Variants in DHRSX observed in about 807,000 individuals in gnomAD.
DHRSX encodes the protein dehydrogenase/reductase X-linked.
Under a neutral mutation model 34.0 loss-of-function variants are expected in DHRSX, and 31 were observed. That is an observed-to-expected ratio of 0.91 (90% CI 0.69 to 1.23). DHRSX has a LOEUF of 1.23. DHRSX is among the 50% of genes most tolerant of loss of function. DHRSX has a pLI of 0.00. For synonymous variants in DHRSX, 201 were observed against 183.8 expected, an observed-to-expected ratio of 1.09 and a Z score of -0.76; for missense variants, 414 against 428.1, an observed-to-expected ratio of 0.97 and a Z score of 0.29.
chrX:2,423,789 T>A (rs1255632332), intron 2 of DHRSX, among the ~76,000 whole-genome samples: 1 of 151,966 alleles, frequency 6.6e-6, no homozygotes, highest in African/African-American at 2.4e-5. Flanking sequence ...TAATTTGAAC[T>A]GTCCTCATAT....
At chrX:2,435,378 G>A (rs2053577511) in intron 1 of DHRSX, among the ~76,000 whole-genome samples, 3 of 152,014 alleles carry the variant, frequency 2.0e-5, no homozygotes, top group Non-Finnish European at 2.9e-5. Context: ...TACCACTGGG[G>A]GAAGTAGACA....
rs2015504861 is a variant in DHRSX, at chrX:2,220,893, A to G, written c.*148T>C. The G allele has an allele frequency of 1.3e-5, 8 of 638,436 alleles. No homozygotes were observed. The highest frequency in any genetic ancestry group is 2.1e-5 in the Non-Finnish European group (8 of 380,684). The allele number at this position is 638,436 out of a possible 1,614,324, so 39.5% of individuals were successfully genotyped here. A position where few individuals can be genotyped will look rare whatever the true frequency, so the allele number is the denominator to read the frequency against. The stretch of plus-strand genomic sequence containing the variant: ...TATTTGGCTTCTTGAAGTTCTGCAG[A>G]GGTTGAGGCAGCTGTCTCAAAACTA... On this transcript the variant is annotated 3_prime_UTR_variant, in exon 7 of 7. Coordinates refer to ENST00000334651, the MANE Select transcript of DHRSX (RefSeq NM_145177.3).
chrX:2,411,057 G>T (rs1323259776), intron 2 of DHRSX, among the ~76,000 whole-genome samples: 1 of 152,064 alleles, frequency 6.6e-6, no homozygotes, highest in Admixed American at 6.6e-5. Context: ...AGCCTGAAAG[G>T]TATATTCCAT....
chrX:2,320,944 G>A (rs896830843), intron 3 of DHRSX, among the ~76,000 whole-genome samples: 10 of 152,078 alleles, frequency 6.6e-5, no homozygotes, highest in African/African-American at 2.4e-4. Context: ...GACACTGCAG[G>A]TCAGCACTTC....
chrX:2,295,407 A>G (rs1173418202), intron 3 of DHRSX, among the ~76,000 whole-genome samples: 2 of 150,522 alleles, frequency 1.3e-5, no homozygotes, highest in African/African-American at 4.8e-5. Flanking sequence ...GGGGAACATC[A>G]CACACCAGGG....
intron 3 of DHRSX, among the ~76,000 whole-genome samples, chrX:2,324,793 G>A (rs1160356422): frequency 1.4e-5 from 2 of 146,030 alleles, no homozygotes; most frequent in Non-Finnish European, 3.0e-5. Context: ...TTTTGAGATG[G>A]AGTCCCGCTC....
chrX:2,220,700 G>C lies in DHRSX; in HGVS notation c.*341C>G, dbSNP rs1477093508. Reference sequence around the variant, plus strand: ...GAGGACATTGCAGCCCCTGAAAAGAGAGCATCTCTCTTGGAACTTTTGTAC... The same window carrying C: ...GAGGACATTGCAGCCCCTGAAAAGACAGCATCTCTCTTGGAACTTTTGTAC... On this transcript the variant is annotated 3_prime_UTR_variant, in exon 7 of 7. Transcript: ENST00000334651. 8 of 274,006 alleles carry C rather than the reference G, an allele frequency of 2.9e-5. No individual in the cohort carries two copies. The highest frequency in any genetic ancestry group is 4.3e-5 in the African/African-American group (2 of 46,326). 17.0% of individuals were successfully genotyped at this position (274,006 alleles called of 1,614,324 possible). A position where few individuals can be genotyped will look rare whatever the true frequency, so the allele number is the denominator to read the frequency against.
At chrX:2,489,482 G>A (rs748578060) in intron 1 of DHRSX, 6 of 1,613,756 alleles carry the variant, frequency 3.7e-6, no homozygotes, top group Non-Finnish European at 5.1e-6. Context: ...GTACCTGGAG[G>A]CCGACAGCAT....
At chrX:2,392,390 C>A in intron 3 of DHRSX, 1 of 252,178 alleles carries the variant, frequency 4.0e-6, no homozygotes, top group South Asian at 4.2e-5. Flanking sequence ...GCCTGTAGTC[C>A]CAGCTCCTCG....
rs2044058858 is a variant in DHRSX at position 2,441,256 on chromosome X, G to T, written c.110-15952C>A. The stretch of plus-strand genomic sequence containing the variant: ...TTCACAAGGAGCAAGAAGAACAAAG[G>T]CTAAGGACTATTTGACAGGAGGGGA... On this transcript the variant is annotated intron_variant, in intron 1 of 6. Coordinates refer to ENST00000334651, the MANE Select transcript of DHRSX (RefSeq NM_145177.3). Among the ~76,000 whole-genome samples the T allele has an allele frequency of 2.0e-5, 3 of 152,276 alleles. No individual in the cohort carries two copies. The South Asian group carries it at 6.2e-4, about 32-fold the overall frequency.
Position 2,360,313 on chromosome X carries a change from G to A in DHRSX, c.286+48432C>T, listed in dbSNP as rs761474850. Among the ~76,000 whole-genome samples the A allele has an allele frequency of 9.2e-4, 140 of 152,310 alleles. 1 individual carries two copies. Among genetic ancestry groups the A allele is most frequent in the African/African-American group, 2.5e-3 (103 of 41,584 alleles). On this transcript the variant is annotated intron_variant, in intron 3 of 6. Transcript: ENST00000334651. ...AGAGGGTTATAATGGGGCCAGGCGT[G>A]GTGGCTCACGCCTGTAATCCCAGCA...
At chrX:2,399,070 G>C (rs2043450780) in intron 3 of DHRSX, among the ~76,000 whole-genome samples, 1 of 151,860 alleles carries the variant, frequency 6.6e-6, no homozygotes. Flanking sequence ...TAGCCAGGAT[G>C]GTCTCGATCT....
intron 5 of DHRSX, among the ~76,000 whole-genome samples, chrX:2,247,488 A>C (rs2016324539): frequency 6.6e-6 from 1 of 151,428 alleles, no homozygotes; most frequent in Non-Finnish European, 1.5e-5. Flanking sequence ...CCTCGTCTCT[A>C]CTAAAAAAAC....
At chrX:2,264,808 C>T (rs1156483872) in intron 5 of DHRSX, among the ~76,000 whole-genome samples, 5 of 107,950 alleles carry the variant, frequency 4.6e-5, no homozygotes, top group Non-Finnish European at 9.5e-5. Flanking sequence ...GTGCCCAGAG[C>T]ACAATGCTCA....
At chrX:2,426,288 C>T (rs1446186574) in intron 1 of DHRSX, among the ~76,000 whole-genome samples, 1 of 152,116 alleles carries the variant, frequency 6.6e-6, no homozygotes, top group Non-Finnish European at 1.5e-5. Context: ...GACGAGTGAT[C>T]CACATTTTGA....
intron 6 of DHRSX, among the ~76,000 whole-genome samples, chrX:2,223,776 G>A (rs1477018275): frequency 6.6e-6 from 1 of 152,156 alleles, no homozygotes; most frequent in African/African-American, 2.4e-5. Context: ...TTCCAGGCAG[G>A]ATCTGCTCCC....
chrX:2,474,247 G>T (rs2044638386), intron 1 of DHRSX, among the ~76,000 whole-genome samples: 1 of 152,044 alleles, frequency 6.6e-6, no homozygotes, highest in Non-Finnish European at 1.5e-5. Context: ...CACTGAAGAG[G>T]TTCCCAAAGC....
intron 3 of DHRSX, among the ~76,000 whole-genome samples, chrX:2,332,118 A>G (rs762359267): frequency 6.6e-6 from 1 of 152,348 alleles, no homozygotes; most frequent in South Asian, 2.1e-4. Context: ...TAAGTGCTCA[A>G]TAACGACATT....
chrX:2,440,148 CG>C (rs1258885683), intron 1 of DHRSX, among the ~76,000 whole-genome samples: 3 of 152,102 alleles, frequency 2.0e-5, no homozygotes, highest in Non-Finnish European at 4.4e-5. Context: ...AGTTTGCCAA[CG>C]GCTGTACCCA....
Sources: allele counts gnomAD v4.1 joint callset (sites outside exome capture counted in the v4.1 genomes callset), GRCh38; gene constraint gnomAD v4.1.1; transcripts MANE v1.5; gene names NCBI Gene and HGNC (gene_info 2026-07-23, HGNC 2026-07-21).